The following PDE8A variants were observed in gnomAD, a reference collection of about 807,000 sequenced individuals.
PDE8A encodes high affinity cAMP-specific and IBMX-insensitive 3',5'-cyclic phosphodiesterase 8A.
Under a neutral mutation model 105.0 loss-of-function variants are expected in PDE8A, and 59 were observed. The ratio of observed to expected loss-of-function variants is 0.56; its 90% CI spans 0.46 to 0.70. PDE8A has a LOEUF of 0.70. Ranked by LOEUF, PDE8A falls within the 30% of genes least tolerant of loss-of-function variation. PDE8A has a pLI of 0.00. For missense variants in PDE8A, 1,014 were observed against 1,045.9 expected, an observed-to-expected ratio of 0.97 and a Z score of 0.42; for synonymous variants, 355 against 371.9, an observed-to-expected ratio of 0.95 and a Z score of 0.52.
rs761036926 is a variant in PDE8A at position 85,075,866 on chromosome 15, A to C, written c.439A>C (p.Ile147Leu). Residue 147 changes from isoleucine (I) to leucine (L), a missense_variant, in exon 4 of 22, where the codon ATC becomes CTC. By Grantham distance (5) the Ile-to-Leu change is conservative (BLOSUM62 2). Coordinates refer to ENST00000394553, the MANE Select transcript of PDE8A (RefSeq NM_002605.3). The stretch of plus-strand genomic sequence containing the variant: ...AAGTTTTGTGTTTTTTTTAAGGTCT[A>C]TCAGATCATCAAAACTCTCAGAAAA... Reference protein sequence around the residue: ...QLDAEALCRSIRSSKLSENTV... With the variant: ...QLDAEALCRSLRSSKLSENTV... 21 of 1,538,166 alleles carry C rather than the reference A, an allele frequency of 1.4e-5. No homozygotes were observed. The South Asian group carries it at 2.5e-4, about 18-fold the overall frequency.
At chr15:85,015,076 G>A (rs2080302262) in intron 1 of PDE8A, among the ~76,000 whole-genome samples, 1 of 152,008 alleles carries the variant, frequency 6.6e-6, no homozygotes, top group Non-Finnish European at 1.5e-5. Flanking sequence ...TGTTTTCAAG[G>A]TTCATCCATG....
intron 1 of PDE8A, among the ~76,000 whole-genome samples, chr15:85,013,302 C>T (rs1245525355): frequency 6.6e-6 from 1 of 152,212 alleles, no homozygotes; most frequent in Non-Finnish European, 1.5e-5. Flanking sequence ...TATACCCTGC[C>T]TCTACCACTG....
chr15:85,068,258 T>G (rs972945625), intron 3 of PDE8A, among the ~76,000 whole-genome samples: 1 of 152,130 alleles, frequency 6.6e-6, no homozygotes, highest in East Asian at 1.9e-4. Flanking sequence ...CAGGCTGGTC[T>G]TGAACTCCTG....
At chr15:84,990,109 C>T (rs1213061006) in intron 1 of PDE8A, among the ~76,000 whole-genome samples, 3 of 152,092 alleles carry the variant, frequency 2.0e-5, no homozygotes, top group African/African-American at 7.2e-5. Flanking sequence ...CCCATCTACT[C>T]AGGAGCTGAG....
chr15:85,067,173 C>T lies in PDE8A; in HGVS notation c.403C>T (p.Pro135Ser). The part of the protein sequence containing the change: ...HDIIIIDHRN[P>S]RQLDAEALCR... Reference sequence around the variant, plus strand: ...CATTATCATCATAGACCACAGAAATCCTCGACAGCTGGATGCAGAGGCACT... The same window carrying T: ...CATTATCATCATAGACCACAGAAATTCTCGACAGCTGGATGCAGAGGCACT... The change falls in exon 3 of 22, where the codon CCT becomes TCT. Residue 135 changes from proline to serine, a missense_variant. By Grantham distance (74) the Pro-to-Ser change is moderately conservative. Transcript: ENST00000394553. The T allele has an allele frequency of 6.2e-7, 1 of 1,613,896 alleles. No homozygotes were observed. Among genetic ancestry groups the T allele is most frequent in the Non-Finnish European group, 8.5e-7 (1 of 1,179,888 alleles).
At chr15:85,108,098 A>G (rs1247652035) in intron 11 of PDE8A, among the ~76,000 whole-genome samples, 1 of 152,204 alleles carries the variant, frequency 6.6e-6, no homozygotes, top group African/African-American at 2.4e-5. Context: ...AGATTTAGCA[A>G]AAAGGAGGTC....
At position 85,123,199 on chromosome 15, in the gene PDE8A, G is replaced by A. The variant is rs367652235; in HGVS notation, c.2085+6G>A. ...CAACACTAGAAGAAAATGGGGTAAG[G>A]GAAACTTATTGCAAAGAGAACCTGT... On this transcript the variant is annotated splice_donor_region_variant and intron_variant, in intron 19 of 21. Coordinates refer to ENST00000394553, the MANE Select transcript of PDE8A (RefSeq NM_002605.3). 2.9e-5 allele frequency: 46 copies of A among 1,613,812 alleles called. No individual in the cohort carries two copies. In the African/African-American group the frequency reaches 5.6e-4, roughly 20 times the overall value.
chr15:84,996,823 CAAAA>C (rs34363361), intron 1 of PDE8A, among the ~76,000 whole-genome samples: 1 of 53,824 alleles, frequency 1.9e-5, no homozygotes, highest in Admixed American at 3.3e-4. Flanking sequence ...AAGACTCTCT[CAAAA>C]AAAAAAAAAA....
chr15:85,116,184 C>T (rs2082094667), intron 16 of PDE8A, 65 bp downstream of exon 16: 1 of 1,536,686 alleles, frequency 6.5e-7, no homozygotes, highest in African/African-American at 1.4e-5. Context: ...AGGAGGCTAC[C>T]TGAGGAGTAT....
intron 21 of PDE8A, among the ~76,000 whole-genome samples, chr15:85,136,893 G>A (rs905666489): frequency 1.3e-5 from 2 of 152,018 alleles, no homozygotes; most frequent in African/African-American, 4.8e-5. Flanking sequence ...ATTGAACTTG[G>A]GGCCCCACAG....
At chr15:85,033,313 A>T (rs987830519) in intron 1 of PDE8A, among the ~76,000 whole-genome samples, 1 of 152,184 alleles carries the variant, frequency 6.6e-6, no homozygotes, top group Non-Finnish European at 1.5e-5. Flanking sequence ...TGATTCCAGG[A>T]TGCAGAAGAG....
intron 12 of PDE8A, among the ~76,000 whole-genome samples, chr15:85,111,395 G>A (rs991493833): frequency 6.6e-6 from 1 of 152,040 alleles, no homozygotes; most frequent in Non-Finnish European, 1.5e-5. Context: ...ATTTATATCT[G>A]GTGAGGGTAG....
intron 1 of PDE8A, among the ~76,000 whole-genome samples, chr15:85,028,406 G>A (rs1434419592): frequency 6.6e-6 from 1 of 152,072 alleles, no homozygotes; most frequent in Non-Finnish European, 1.5e-5. Context: ...GTAGAGACAA[G>A]ATCTTGCTTT....
At chr15:85,047,528 T>C (rs2080905956) in intron 1 of PDE8A, among the ~76,000 whole-genome samples, 1 of 152,206 alleles carries the variant, frequency 6.6e-6, no homozygotes, top group Admixed American at 6.5e-5. Context: ...AAGTAAGCGT[T>C]CAGTGGTAAA....
rs2079727932 is a variant in PDE8A, at chr15:84,982,336, C to T, written c.174C>T (p.Gly58=). 1.2e-5 allele frequency: 16 copies of T among 1,327,966 alleles called. No homozygotes were observed. The South Asian group carries it at 3.0e-4, about 25-fold the overall frequency. 82.3% of individuals were successfully genotyped at this position (1,327,966 alleles called of 1,614,324 possible). Reference sequence around the variant, plus strand: ...TCTTGGAGTCGGAGCTTCGCGACGGCAGCGGCAAGAAGGTAAGGGGCGCCG... The same window carrying T: ...TCTTGGAGTCGGAGCTTCGCGACGGTAGCGGCAAGAAGGTAAGGGGCGCCG... ...AGLLESELRD[G]SGKKVAVADV... is the part of the protein sequence containing the mutation. Residue 58 remains glycine, a synonymous_variant, in exon 1 of 22, where the codon GGC becomes GGT. Coordinates refer to ENST00000394553, the MANE Select transcript of PDE8A (RefSeq NM_002605.3).
chr15:84,988,711 C>T (rs1296026260), intron 1 of PDE8A, among the ~76,000 whole-genome samples: 1 of 152,208 alleles, frequency 6.6e-6, no homozygotes, highest in Non-Finnish European at 1.5e-5. Flanking sequence ...CTGAAAGCTT[C>T]CTTGAGCCCT....
intron 1 of PDE8A, among the ~76,000 whole-genome samples, chr15:85,030,593 T>C (rs1246346314): frequency 6.6e-6 from 1 of 152,200 alleles, no homozygotes; most frequent in Admixed American, 6.5e-5. Context: ...AGGCCCTCTG[T>C]CATCTGACCC....
chr15:85,079,978 AG>A (rs1182774734), intron 5 of PDE8A, among the ~76,000 whole-genome samples: 2 of 152,196 alleles, frequency 1.3e-5, no homozygotes, highest in African/African-American at 4.8e-5. Context: ...TTTAAAAGAT[AG>A]GCTGTTAGAT....
chr15:85,061,007 G>A (rs1261605780), intron 1 of PDE8A, among the ~76,000 whole-genome samples: 1 of 151,926 alleles, frequency 6.6e-6, no homozygotes, highest in Admixed American at 6.6e-5. Context: ...AGTTTTTTTG[G>A]TTTGTTTTAT....
Sources: gnomAD v4.1 joint callset for allele counts (sites outside exome capture counted in the v4.1 genomes callset) on GRCh38, gnomAD v4.1.1 for gene constraint, MANE v1.5 for transcripts, NCBI Gene and HGNC (gene_info 2026-07-23, HGNC 2026-07-21) for gene names.